Variants in FAF1 observed in about 807,000 individuals in gnomAD.
FAF1 encodes FAS-associated factor 1.
Under a neutral mutation model 92.5 loss-of-function variants are expected in FAF1, and 25 were observed. That is an observed-to-expected ratio of 0.27 (90% CI 0.20 to 0.38). The LOEUF is 0.38. Among genes scored for constraint, FAF1 ranks in the 10% least tolerant of loss-of-function variants. The probability of loss-of-function intolerance (pLI) is 1.00; values close to 1 mark genes in which losing one functional copy is unlikely to be tolerated. For synonymous variants in FAF1, 234 were observed against 273.2 expected, an observed-to-expected ratio of 0.86 and a Z score of 1.42; for missense variants, 636 against 793.3, an observed-to-expected ratio of 0.80 and a Z score of 2.38.
intron 1 of FAF1, among the ~76,000 whole-genome samples, chr1:50,888,020 T>G (rs999295823): frequency 5.9e-5 from 9 of 152,222 alleles, no homozygotes; most frequent in African/African-American, 2.2e-4. Flanking sequence ...GCATGGAATG[T>G]TCTTCCATTT....
chr1:50,691,903 T>C (rs1343199115), intron 7 of FAF1, among the ~76,000 whole-genome samples: 1 of 152,224 alleles, frequency 6.6e-6, no homozygotes, highest in Non-Finnish European at 1.5e-5. Context: ...GTATACACTA[T>C]GAAATGATTA....
intron 18 of FAF1, among the ~76,000 whole-genome samples, chr1:50,471,389 A>G (rs1005528293): frequency 2.0e-5 from 3 of 152,210 alleles, no homozygotes; most frequent in Non-Finnish European, 4.4e-5. Flanking sequence ...CCCCCAGTAC[A>G]TTTAAACAAA....
At chr1:50,816,807 G>C (rs767348420) in intron 2 of FAF1, among the ~76,000 whole-genome samples, 6 of 152,180 alleles carry the variant, frequency 3.9e-5, no homozygotes, top group Non-Finnish European at 7.3e-5. Flanking sequence ...GATTCTTATA[G>C]TTTGGGGTCT....
At chr1:50,545,934 G>A (rs554978893) in intron 13 of FAF1, among the ~76,000 whole-genome samples, 38 of 152,320 alleles carry the variant, frequency 2.5e-4, no homozygotes, top group African/African-American at 7.9e-4. Flanking sequence ...AGGCCAAGGT[G>A]GGGGGAGGAA....
intron 9 of FAF1, among the ~76,000 whole-genome samples, chr1:50,585,082 G>T (rs1387431664): frequency 3.3e-5 from 5 of 152,098 alleles, no homozygotes; most frequent in African/African-American, 1.2e-4. Context: ...TTTTTCCCCA[G>T]CATATAGTAT....
chr1:50,665,561 T>C (rs1465534737), intron 7 of FAF1, among the ~76,000 whole-genome samples: 2 of 152,200 alleles, frequency 1.3e-5, no homozygotes, highest in African/African-American at 4.8e-5. Flanking sequence ...CAGTCTACTG[T>C]CTGTTTCTGT....
At chr1:50,883,360 G>A (rs2124690930) in intron 1 of FAF1, among the ~76,000 whole-genome samples, 1 of 152,142 alleles carries the variant, frequency 6.6e-6, no homozygotes. Flanking sequence ...TTGCTAATTT[G>A]CCAGTTACCA....
intron 15 of FAF1, among the ~76,000 whole-genome samples, chr1:50,524,549 G>A (rs537211218): frequency 6.6e-6 from 1 of 152,110 alleles, no homozygotes; most frequent in Admixed American, 6.6e-5. Context: ...TCTATCTTGA[G>A]TTAATTTTTG....
At chr1:50,648,323 G>A (rs1348731389) in intron 8 of FAF1, among the ~76,000 whole-genome samples, 3 of 152,294 alleles carry the variant, frequency 2.0e-5, no homozygotes, top group South Asian at 2.1e-4. Context: ...GATAATTGTT[G>A]TAGGTATTCT....
chr1:50,742,164 A>G (rs978713384), intron 5 of FAF1, among the ~76,000 whole-genome samples: 2 of 151,762 alleles, frequency 1.3e-5, no homozygotes, highest in Non-Finnish European at 1.5e-5. Flanking sequence ...AAAAAAAAAA[A>G]AAATTAGCCA....
Position 50,710,267 on chromosome 1 carries a change from C to T in FAF1, c.552-4376G>A, listed in dbSNP as rs1259808310. On this transcript the variant is annotated intron_variant, in intron 6 of 18. Coordinates refer to ENST00000396153, the MANE Select transcript of FAF1 (RefSeq NM_007051.3). ...TGTAATAACTTTGCAAACAGGTTTGCCAGGACCAGTTTGACTGCCAGACTG... is the reference window on the plus strand; with the variant it reads ...TGTAATAACTTTGCAAACAGGTTTGTCAGGACCAGTTTGACTGCCAGACTG... Among the ~76,000 whole-genome samples the T allele has an allele frequency of 2.0e-5, 3 of 152,142 alleles. No homozygotes were observed. The East Asian group carries it at 5.8e-4, about 29-fold the overall frequency.
chr1:50,458,564 G>A (rs947420431), intron 18 of FAF1, among the ~76,000 whole-genome samples: 4 of 152,162 alleles, frequency 2.6e-5, no homozygotes, highest in East Asian at 1.9e-4. Context: ...TGAATTCTAC[G>A]CAGCTCATCT....
At chr1:50,918,170 ATTTC>A (rs1340401229) in intron 1 of FAF1, among the ~76,000 whole-genome samples, 18 of 149,246 alleles carry the variant, frequency 1.2e-4, no homozygotes, top group African/African-American at 3.7e-4. Flanking sequence ...CTGAATGTAA[ATTTC>A]TTTTTTTTTT....
intron 13 of FAF1, among the ~76,000 whole-genome samples, chr1:50,557,356 A>G (rs1649639068): frequency 6.6e-6 from 1 of 152,236 alleles, no homozygotes; most frequent in Non-Finnish European, 1.5e-5. Context: ...TGAATAATAC[A>G]AAACTATCTG....
At chr1:50,562,374 T>A (rs1456602953) in intron 13 of FAF1, among the ~76,000 whole-genome samples, 2 of 152,208 alleles carry the variant, frequency 1.3e-5, no homozygotes, top group African/African-American at 4.8e-5. Context: ...TTATATTAGC[T>A]AGCCAGCTCC....
chr1:50,751,089 C>T, intron 4 of FAF1, among the ~76,000 whole-genome samples: 1 of 136,612 alleles, frequency 7.3e-6, no homozygotes, highest in East Asian at 2.2e-4. Flanking sequence ...AGCTGTACAT[C>T]CCCATATTAG....
At chr1:50,638,832 G>GA (rs141843042) in intron 8 of FAF1, among the ~76,000 whole-genome samples, 5 of 151,644 alleles carry the variant, frequency 3.3e-5, no homozygotes, top group East Asian at 1.9e-4. Context: ...CTTTTGCTTT[G>GA]AAAAAAAACT....
At chr1:50,648,884 C>T (rs1654719568) in intron 8 of FAF1, among the ~76,000 whole-genome samples, 2 of 152,192 alleles carry the variant, frequency 1.3e-5, no homozygotes, top group African/African-American at 2.4e-5. Flanking sequence ...CAAGATCGTG[C>T]CATTGCACTC....
intron 4 of FAF1, among the ~76,000 whole-genome samples, chr1:50,753,427 A>G (rs1280605098): frequency 1.3e-5 from 2 of 152,234 alleles, no homozygotes; most frequent in African/African-American, 4.8e-5. Flanking sequence ...GTTTGGAGCT[A>G]TTACAAAGAA....
Sources: allele counts gnomAD v4.1 joint callset (sites outside exome capture counted in the v4.1 genomes callset), GRCh38; gene constraint gnomAD v4.1.1; transcripts MANE v1.5; gene names NCBI Gene and HGNC (gene_info 2026-07-23, HGNC 2026-07-21).